Variants in GABPB1 observed in about 807,000 individuals in gnomAD.
The protein encoded by GABPB1 is GA binding protein transcription factor subunit beta 1.
Under a neutral mutation model 45.9 loss-of-function variants are expected in GABPB1, and 15 were observed. The observed-to-expected ratio is 0.33, with a 90% confidence interval of 0.22 to 0.50. The LOEUF (loss-of-function observed/expected upper bound fraction) is 0.50, where lower values mean the gene tolerates loss of function less well. Ranked by LOEUF, GABPB1 falls within the 20% of genes least tolerant of loss-of-function variation. The pLI is 0.98. For missense variants in GABPB1, 252 were observed against 457.5 expected, an observed-to-expected ratio of 0.55 and a Z score of 4.10; for synonymous variants, 143 against 154.4, an observed-to-expected ratio of 0.93 and a Z score of 0.55.
chr15:50,302,821 A>G (rs2046805806), intron 4 of GABPB1, 108 bp downstream of exon 4: 2 of 751,254 alleles, frequency 2.7e-6, no homozygotes, highest in South Asian at 3.7e-5. Context: ...AACTAAGTCC[A>G]AAATGAAAGG....
In GABPB1 at chr15:50,325,449, C is replaced by CA. The variant is rs57252015; in HGVS notation, c.1-15652dup. 5.6e-3 allele frequency among the ~76,000 whole-genome samples: 776 copies of CA among 139,816 alleles called. 5 individuals are homozygous for CA. Among genetic ancestry groups the CA allele is most frequent in the African/African-American group, 0.014 (546 of 38,254 alleles). 91.7% of individuals were successfully genotyped at this position (139,816 alleles called of 152,430 possible). A position where few individuals can be genotyped will look rare whatever the true frequency, so the allele number is the denominator to read the frequency against. ...TGATGTAGAATGGAGCAATCAATGA[C>CA]AAAAAAAAAAAATCATCATCATCTG... On this transcript the variant is annotated intron_variant, in intron 1 of 8. Coordinates refer to ENST00000380877, the MANE Select transcript of GABPB1 (RefSeq NM_016654.5).
At chr15:50,299,688 C>T (rs866949121) in intron 6 of GABPB1, among the ~76,000 whole-genome samples, 1 of 152,208 alleles carries the variant, frequency 6.6e-6, no homozygotes, top group African/African-American at 2.4e-5. Context: ...AGCAAGCCAC[C>T]GCACCCAGCC....
intron 8 of GABPB1, among the ~76,000 whole-genome samples, chr15:50,285,072 A>G (rs888405575): frequency 3.1e-4 from 47 of 152,236 alleles, no homozygotes; most frequent in African/African-American, 1.1e-3. Flanking sequence ...CATTGTCTTT[A>G]GTTTGACTTA....
chr15:50,342,826 T>C (rs2141163938), intron 1 of GABPB1, among the ~76,000 whole-genome samples: 1 of 152,322 alleles, frequency 6.6e-6, no homozygotes, highest in South Asian at 2.1e-4. Flanking sequence ...TTAGATAGGT[T>C]TCAAGGTTTA....
At chr15:50,330,734 T>A (rs945087617) in intron 1 of GABPB1, among the ~76,000 whole-genome samples, 1 of 152,228 alleles carries the variant, frequency 6.6e-6, no homozygotes, top group Non-Finnish European at 1.5e-5. Flanking sequence ...AGATGAGCTC[T>A]TAAATTTCCT....
intron 1 of GABPB1, among the ~76,000 whole-genome samples, chr15:50,324,019 T>C (rs574912128): frequency 1.3e-5 from 2 of 152,194 alleles, no homozygotes; most frequent in East Asian, 1.9e-4. Context: ...CTAGGCAACA[T>C]GGCAAAACTC....
intron 6 of GABPB1, among the ~76,000 whole-genome samples, chr15:50,295,866 TG>T (rs2046492745): frequency 1.2e-5 from 1 of 86,576 alleles, no homozygotes; most frequent in African/African-American, 2.8e-5. Flanking sequence ...ACTGACAACC[TG>T]CTGTTATATT....
intron 6 of GABPB1, among the ~76,000 whole-genome samples, chr15:50,296,875 G>A (rs2046530954): frequency 6.6e-6 from 1 of 150,612 alleles, no homozygotes; most frequent in Non-Finnish European, 1.5e-5. Context: ...GTTTACTCTG[G>A]TGGTAACATA....
intron 1 of GABPB1, among the ~76,000 whole-genome samples, chr15:50,320,011 TACAC>T (rs1418723654): frequency 6.6e-6 from 1 of 152,164 alleles, no homozygotes; most frequent in Non-Finnish European, 1.5e-5. Context: ...TAGAAACACA[TACAC>T]ACAATGCTTA....
intron 1 of GABPB1, among the ~76,000 whole-genome samples, chr15:50,322,326 A>C (rs1254127478): frequency 6.6e-6 from 1 of 151,976 alleles, no homozygotes; most frequent in Non-Finnish European, 1.5e-5. Context: ...AGCCAATGCC[A>C]GAGGATAACT....
At chr15:50,297,534 T>C (rs1357998477) in intron 6 of GABPB1, among the ~76,000 whole-genome samples, 1 of 152,174 alleles carries the variant, frequency 6.6e-6, no homozygotes, top group African/African-American at 2.4e-5. Flanking sequence ...AGTAAGCTTT[T>C]AAAATATCTT....
At chr15:50,292,053 G>A (rs772823886) in intron 6 of GABPB1, among the ~76,000 whole-genome samples, 27 of 151,784 alleles carry the variant, frequency 1.8e-4, no homozygotes, top group Admixed American at 1.1e-3. Flanking sequence ...AAATCATTGC[G>A]GCCGGGCGCG....
chr15:50,301,097 A>T, intron 5 of GABPB1, 160 bp downstream of exon 5: 1 of 1,108,254 alleles, frequency 9.0e-7, no homozygotes, highest in Non-Finnish European at 1.3e-6. Flanking sequence ...TTTGCCAGTT[A>T]TACCAAAGAA....
intron 6 of GABPB1, among the ~76,000 whole-genome samples, chr15:50,294,671 A>G (rs2046453779): frequency 6.6e-6 from 1 of 152,228 alleles, no homozygotes; most frequent in Non-Finnish European, 1.5e-5. Flanking sequence ...TACCCCTTAA[A>G]GCCAATTGAG....
intron 1 of GABPB1, chr15:50,354,371 G>T (rs746955878): frequency 4.4e-6 from 2 of 451,632 alleles, no homozygotes; most frequent in South Asian, 3.1e-5. Context: ...GACTGGCCAG[G>T]CTCTTCCATT....
intron 4 of GABPB1, 131 bp downstream of exon 4, chr15:50,302,798 G>C (rs559001430): frequency 3.3e-6 from 2 of 609,894 alleles, no homozygotes; most frequent in South Asian, 2.2e-5. Flanking sequence ...AGAGAAAAAG[G>C]CCTATCCAAA....
intron 1 of GABPB1, among the ~76,000 whole-genome samples, chr15:50,339,757 T>C (rs544019491): frequency 2.6e-5 from 4 of 152,286 alleles, no homozygotes; most frequent in African/African-American, 9.6e-5. Flanking sequence ...AAGTTCCATA[T>C]CTAAAGTACA....
chr15:50,285,694 G>A (rs537459131), intron 8 of GABPB1, among the ~76,000 whole-genome samples: 1 of 151,940 alleles, frequency 6.6e-6, no homozygotes, highest in Non-Finnish European at 1.5e-5. Context: ...GCCCAATTAG[G>A]CATTTGAGTT....
intron 1 of GABPB1, among the ~76,000 whole-genome samples, chr15:50,346,165 GA>G (rs138447604): frequency 2.0e-5 from 3 of 150,568 alleles, no homozygotes; most frequent in African/African-American, 7.3e-5. Flanking sequence ...TGGTTACAAT[GA>G]AAAAAAAATG....
Sources: allele counts gnomAD v4.1 joint callset (sites outside exome capture counted in the v4.1 genomes callset), GRCh38; gene constraint gnomAD v4.1.1; transcripts MANE v1.5; gene names NCBI Gene and HGNC (gene_info 2026-07-23, HGNC 2026-07-21).